The following MYO16 variants were observed in gnomAD, a reference collection of about 807,000 sequenced individuals.
The protein encoded by MYO16 is unconventional myosin-XVI.
A neutral mutation model predicts 205.3 loss-of-function variants in MYO16; 94 were observed. That is an observed-to-expected ratio of 0.46 (90% confidence interval 0.39 to 0.54). The LOEUF is 0.54. MYO16 is among the 20% of genes least tolerant of loss of function. MYO16 has a pLI of 0.00. For missense variants in MYO16, 2,315 were observed against 2,387.5 expected, an observed-to-expected ratio of 0.97 and a Z score of 0.63; for synonymous variants, 988 against 954.0, an observed-to-expected ratio of 1.04 and a Z score of -0.66.
At chr13:108,527,920 G>A in the MYO16 span, among the ~76,000 whole-genome samples, 3 of 152,240 alleles carry the variant, frequency 2.0e-5, no homozygotes, top group East Asian at 5.8e-4. Flanking sequence ...TGTTTAACAA[G>A]GACTTTCCAA....
intron 10 of MYO16, among the ~76,000 whole-genome samples, chr13:108,850,473 C>T: frequency 6.6e-6 from 1 of 152,188 alleles, no homozygotes; most frequent in East Asian, 1.9e-4. Flanking sequence ...TTTTAGATCT[C>T]TCCTTTTAGA....
chr13:109,033,054 G>C (rs9583330), intron 23 of MYO16, among the ~76,000 whole-genome samples: 2,655 of 152,228 alleles, frequency 0.017, 75 homozygotes, highest in African/African-American at 0.06. Flanking sequence ...AGAGAACTAA[G>C]TAGTGAATCT....
In MYO16 at chr13:108,847,079, GT is replaced by G. The variant is rs764957182; in HGVS notation, c.1248+2588del. ...GTACTGAGATTTCTCCCTCTGTGGA[GT>G]TAAAACAATTTCTGATTAGCAGATT... On this transcript the variant is annotated intron_variant, in intron 10 of 34. Coordinates refer to ENST00000457511, the MANE Select transcript of MYO16 (RefSeq NM_001198950.3). 2.0e-4 allele frequency among the ~76,000 whole-genome samples: 31 copies of G among 152,304 alleles called. No individual in the cohort carries two copies. In the Middle Eastern group the frequency reaches 0.014, roughly 67 times the overall value.
intron 1 of MYO16, among the ~76,000 whole-genome samples, chr13:108,637,260 C>T (rs536550389): frequency 6.6e-6 from 1 of 152,256 alleles, no homozygotes; most frequent in South Asian, 2.1e-4. Flanking sequence ...TTATTTAAGG[C>T]TTGCCATTAT....
chr13:108,995,615 G>C (rs922526500), intron 21 of MYO16, among the ~76,000 whole-genome samples: 2 of 151,918 alleles, frequency 1.3e-5, no homozygotes, highest in African/African-American at 2.4e-5. Context: ...ACAGGCCCTG[G>C]TGTGTGATGT....
chr13:108,639,914 G>T (rs1488593287), intron 1 of MYO16, among the ~76,000 whole-genome samples: 1 of 152,228 alleles, frequency 6.6e-6, no homozygotes, highest in African/African-American at 2.4e-5. Flanking sequence ...AGGCACTTAG[G>T]TTTGTGTGTG....
At chr13:108,740,958 G>T (rs1271916609) in intron 4 of MYO16, among the ~76,000 whole-genome samples, 1 of 152,184 alleles carries the variant, frequency 6.6e-6, no homozygotes, top group Non-Finnish European at 1.5e-5. Context: ...ATCTCCTGGT[G>T]TGCCGTTTGC....
rs61742194 is a variant in MYO16, at chr13:108,823,252, C to T, written c.1071C>T (p.His357=). 4,750 of 1,612,036 alleles carry T rather than the reference C, an allele frequency of 2.9e-3. 55 individuals are homozygous for T. Among genetic ancestry groups the T allele is most frequent in the South Asian group, 0.025 (2,255 of 90,852 alleles). ...AQEEPYEEII[H]DLPVLSSKLS... The stretch of plus-strand genomic sequence containing the variant: ...AAGAGCCCTATGAAGAGATCATTCA[C>T]GATCTTCCCGTACTGTCGAGTAAGC... The change falls in exon 9 of 35, where the codon CAC becomes CAT. Residue 357 remains histidine (H), a synonymous_variant. Transcript: ENST00000457511.
At chr13:109,049,926 CTGTGTGTGTGTGTGTGTGTGTG>C (rs35960970) in intron 24 of MYO16, among the ~76,000 whole-genome samples, 2 of 105,908 alleles carry the variant, frequency 1.9e-5, no homozygotes, top group African/African-American at 6.8e-5. Flanking sequence ...TTCCTTTGTC[CTGTGTGTGTGTGTGTGTGTGTG>C]TGTGTGTGTG....
intron 1 of MYO16, among the ~76,000 whole-genome samples, chr13:108,597,967 A>G (rs1157217920): frequency 3.3e-5 from 5 of 152,208 alleles, no homozygotes; most frequent in Non-Finnish European, 2.9e-5. Flanking sequence ...ATTGCAAGTG[A>G]GAAGTTGCCT....
intron 31 of MYO16, among the ~76,000 whole-genome samples, chr13:109,132,223 G>A (rs1246533624): frequency 2.0e-5 from 3 of 152,180 alleles, no homozygotes; most frequent in Admixed American, 6.5e-5. Flanking sequence ...GCTTTTCTCA[G>A]GCAGCTCTAG....
At chr13:108,740,433 G>A (rs1370667902) in intron 4 of MYO16, among the ~76,000 whole-genome samples, 1 of 152,176 alleles carries the variant, frequency 6.6e-6, no homozygotes, top group East Asian at 1.9e-4. Flanking sequence ...ATCAGCAGTG[G>A]AGGCCGCAGA....
intron 7 of MYO16, among the ~76,000 whole-genome samples, chr13:108,815,150 A>C (rs947267877): frequency 6.6e-6 from 1 of 152,194 alleles, no homozygotes; most frequent in African/African-American, 2.4e-5. Flanking sequence ...GTGACAATTG[A>C]AAACTTATGC....
At position 109,110,961 on chromosome 13, in the gene MYO16, CATGA is replaced by C. The variant is rs779111742; in HGVS notation, c.3439-9395_3439-9392del. 2.0e-5 allele frequency among the ~76,000 whole-genome samples: 3 copies of C among 152,146 alleles called. No individual in the cohort carries two copies. In the East Asian group the frequency reaches 5.8e-4, roughly 29 times the overall value. Reference sequence around the variant, plus strand: ...CAAACATTTGATTTACGAATGGATACATGAATGAATGAATGAAGGTGAATGAATG... The same window carrying C: ...CAAACATTTGATTTACGAATGGATACATGAATGAATGAAGGTGAATGAATG... On this transcript the variant is annotated intron_variant, in intron 28 of 34. Coordinates refer to ENST00000457511, the MANE Select transcript of MYO16 (RefSeq NM_001198950.3).
At chr13:108,842,145 T>C (rs773824075) in intron 9 of MYO16, among the ~76,000 whole-genome samples, 2 of 152,012 alleles carry the variant, frequency 1.3e-5, no homozygotes, top group Non-Finnish European at 2.9e-5. Flanking sequence ...TCAACAACTT[T>C]TGTGGCAGTG....
At chr13:109,029,564 T>A (rs961027548) in intron 23 of MYO16, among the ~76,000 whole-genome samples, 7 of 152,150 alleles carry the variant, frequency 4.6e-5, no homozygotes, top group Non-Finnish European at 8.8e-5. Flanking sequence ...CAGGGCAGTT[T>A]TCATTTGTTT....
At chr13:108,810,961 A>G (rs1406153570) in intron 7 of MYO16, among the ~76,000 whole-genome samples, 5 of 152,188 alleles carry the variant, frequency 3.3e-5, no homozygotes, top group African/African-American at 1.2e-4. Flanking sequence ...TCTTTCAAAA[A>G]CTAGGAACTG....
chr13:108,747,969 A>C (rs150172055), intron 4 of MYO16, among the ~76,000 whole-genome samples: 97 of 152,224 alleles, frequency 6.4e-4, no homozygotes, highest in Middle Eastern at 6.8e-3. Context: ...AAGTGAGTAA[A>C]TGTCCACTTT....
chr13:108,603,337 GA>G (rs1416559498), intron 1 of MYO16, among the ~76,000 whole-genome samples: 1 of 152,116 alleles, frequency 6.6e-6, no homozygotes, highest in African/African-American at 2.4e-5. Context: ...CATGTGTTCT[GA>G]ATTGTTAATT....
Sources: allele counts gnomAD v4.1 joint callset (sites outside exome capture counted in the v4.1 genomes callset), GRCh38; gene constraint gnomAD v4.1.1; transcripts MANE v1.5; gene names NCBI Gene and HGNC (gene_info 2026-07-23, HGNC 2026-07-21).